The following HNRNPR variants were observed in gnomAD, a reference collection of about 807,000 sequenced individuals.
HNRNPR encodes the protein heterogeneous nuclear ribonucleoprotein R.
HNRNPR carries 4 observed loss-of-function variants against 70.3 expected under a neutral mutation model. That is an observed-to-expected ratio of 0.06 (90% CI 0.03 to 0.13). The LOEUF (loss-of-function observed/expected upper bound fraction) is 0.13, where lower values mean the gene tolerates loss of function less well. Among genes scored for constraint, HNRNPR ranks in the 10% least tolerant of loss-of-function variants. HNRNPR has a pLI of 1.00. For missense variants in HNRNPR, 423 were observed against 788.5 expected, an observed-to-expected ratio of 0.54 and a Z score of 5.55; for synonymous variants, 241 against 267.6, an observed-to-expected ratio of 0.90 and a Z score of 0.97.
At chr1:23,329,948 A>T (rs1312035488) in intron 5 of HNRNPR, among the ~76,000 whole-genome samples, 1 of 152,156 alleles carries the variant, frequency 6.6e-6, no homozygotes, top group East Asian at 1.9e-4. Context: ...TCTTTTGGGT[A>T]TCTATTAGGA....
rs933938578 is a variant in HNRNPR at position 23,331,289 on chromosome 1, T to C, written c.498+2229A>G. ...ATCTCCGAGTTTATTAGGCCAGACATGGTGACTCACGCCTGTAATCCCAGC... is the reference window on the plus strand; with the variant it reads ...ATCTCCGAGTTTATTAGGCCAGACACGGTGACTCACGCCTGTAATCCCAGC... On this transcript the variant is annotated intron_variant, in intron 5 of 10. Transcript: ENST00000302271. Among the ~76,000 whole-genome samples, 9 of 151,774 alleles carry C rather than the reference T, an allele frequency of 5.9e-5. No homozygotes were observed. In the East Asian group the frequency reaches 1.5e-3, roughly 26 times the overall value.
intron 5 of HNRNPR, among the ~76,000 whole-genome samples, chr1:23,326,459 T>C (rs911954726): frequency 6.6e-6 from 1 of 152,200 alleles, no homozygotes; most frequent in Non-Finnish European, 1.5e-5. Flanking sequence ...TATACCCAGA[T>C]GTCACTAATA....
At position 23,311,043 on chromosome 1, in the gene HNRNPR, G is replaced by A; in HGVS notation, c.1313C>T (p.Pro438Leu). The change falls in exon 11 of 11, where the codon CCT becomes CTT. Residue 438 changes from proline to leucine, a missense_variant. Around this residue, in one of 7 missense-constraint regions of HNRNPR, gnomAD observed 169 missense variants for 195.6 expected, o/e 0.86. Coordinates refer to ENST00000302271, the MANE Select transcript of HNRNPR (RefSeq NM_005826.5). Reference protein sequence around the residue: ...STAYEDYYYHPPPRMPPPIRG... With the variant: ...STAYEDYYYHLPPRMPPPIRG... ...AATTGGAGGTGGCATGCGAGGAGGAGGGTGGTAGTAATAATCTTCATACCT... is the reference window on the plus strand; with the variant it reads ...AATTGGAGGTGGCATGCGAGGAGGAAGGTGGTAGTAATAATCTTCATACCT... The A allele has an allele frequency of 1.2e-6, 2 of 1,614,144 alleles. No individual in the cohort carries two copies. The highest frequency in any genetic ancestry group is 1.7e-6 in the Non-Finnish European group (2 of 1,180,016).
rs1645222128 is a variant in HNRNPR at position 23,307,599 on chromosome 1, A to G, written c.*2855T>C. The G allele has an allele frequency of 6.6e-6, 1 of 152,150 alleles. No individual in the cohort carries two copies. Among genetic ancestry groups the G allele is most frequent in the Non-Finnish European group, 1.5e-5 (1 of 67,968 alleles). The allele number at this position is 152,150 out of a possible 1,614,324, so 9.4% of individuals were successfully genotyped here. A position where few individuals can be genotyped will look rare whatever the true frequency, so the allele number is the denominator to read the frequency against. Reference sequence around the variant, plus strand: ...CCAAATAAACCTGCATTTATTAGAAATCTGGCAACTTATTAGAACTTTTTT... The same window carrying G: ...CCAAATAAACCTGCATTTATTAGAAGTCTGGCAACTTATTAGAACTTTTTT... On this transcript the variant is annotated 3_prime_UTR_variant, in exon 11 of 11. Coordinates refer to ENST00000302271, the MANE Select transcript of HNRNPR (RefSeq NM_005826.5).
At chr1:23,336,092 G>A (rs1646466782) in intron 4 of HNRNPR, among the ~76,000 whole-genome samples, 1 of 117,964 alleles carries the variant, frequency 8.5e-6, no homozygotes, top group African/African-American at 3.4e-5. Flanking sequence ...ACTCCAGCCT[G>A]GGCGACAGAG....
intron 9 of HNRNPR, 22 bp from the exon 10 acceptor site, chr1:23,311,344 A>AT: frequency 6.9e-7 from 1 of 1,439,920 alleles, no homozygotes; most frequent in Non-Finnish European, 9.7e-7. Flanking sequence ...TAGAAAAATT[A>AT]TTTTACAACG....
intron 8 of HNRNPR, among the ~76,000 whole-genome samples, chr1:23,317,550 AACGC>A (rs1645597017): frequency 6.6e-6 from 1 of 152,188 alleles, no homozygotes; most frequent in Admixed American, 6.5e-5. Flanking sequence ...AGATCCTGGC[AACGC>A]AAGTACAGGA....
At position 23,310,587 on chromosome 1, in the gene HNRNPR, T is replaced by C. The variant is rs760744112; in HGVS notation, c.1769A>G (p.Asn590Ser). The C allele has an allele frequency of 1.7e-5, 27 of 1,614,102 alleles. No individual in the cohort carries two copies. The highest frequency in any genetic ancestry group is 2.7e-5 in the African/African-American group (2 of 74,928). Residue 590 changes from asparagine (N) to serine (S), a missense_variant, in exon 11 of 11, where the codon AAC (asparagine) becomes AGC (serine). Transcript: ENST00000302271. The surrounding 1 kb of genome is among the most constrained non-coding windows in gnomAD (Gnocchi z 6.0). ...GGGTTGGGAACCCCAGTTCTGTTGG[T>C]TGTTGGTCTGACGACGCTTGGAATC... is the stretch of plus-strand genomic sequence containing the variant. ...QPDSKRRQTNNQQNWGSQPIA... is the reference protein window; with the variant it reads ...QPDSKRRQTNSQQNWGSQPIA...
rs530979467 is a variant in HNRNPR at position 23,305,417 on chromosome 1, G to A, written c.*5037C>T. On this transcript the variant is annotated 3_prime_UTR_variant, in exon 11 of 11. Coordinates refer to ENST00000302271, the MANE Select transcript of HNRNPR (RefSeq NM_005826.5). ...GTCTATAGCAAACTTACAAGTAAGG[G>A]TTTATATTCATGACACTGACTAGCA... The A allele has an allele frequency of 9.2e-5, 14 of 152,234 alleles. No homozygotes were observed. The highest frequency in any genetic ancestry group is 3.4e-4 in the African/African-American group (14 of 41,556). 9.4% of individuals were successfully genotyped at this position (152,234 alleles called of 1,614,324 possible).
At chr1:23,326,766 CAA>C (rs1645999408) in intron 5 of HNRNPR, among the ~76,000 whole-genome samples, 1 of 152,156 alleles carries the variant, frequency 6.6e-6, no homozygotes, top group East Asian at 1.9e-4. Flanking sequence ...GCCTGGGTGA[CAA>C]GAGTGAAACT....
chr1:23,338,369 A>AT (rs1211763405), intron 3 of HNRNPR, 121 bp downstream of exon 3: 3 of 491,234 alleles, frequency 6.1e-6, no homozygotes, highest in Non-Finnish European at 1.1e-5. Context: ...CTTTAAACTA[A>AT]TTTTTTAAAA....
chr1:23,325,663 C>G (rs1645943474), intron 5 of HNRNPR, among the ~76,000 whole-genome samples: 1 of 152,140 alleles, frequency 6.6e-6, no homozygotes, highest in Non-Finnish European at 1.5e-5. Flanking sequence ...AACTCCTTAG[C>G]CACAATAAAT....
intron 5 of HNRNPR, among the ~76,000 whole-genome samples, chr1:23,324,691 T>C (rs1385106324): frequency 6.6e-6 from 1 of 152,138 alleles, no homozygotes; most frequent in Non-Finnish European, 1.5e-5. Flanking sequence ...AAAAAACCTC[T>C]TCACCATTTG....
At chr1:23,341,731 G>C (rs1223863676) in intron 1 of HNRNPR, among the ~76,000 whole-genome samples, 1 of 152,012 alleles carries the variant, frequency 6.6e-6, no homozygotes, top group Non-Finnish European at 1.5e-5. Flanking sequence ...AAAAAAAAGA[G>C]TACATGTTGA....
intron 5 of HNRNPR, among the ~76,000 whole-genome samples, chr1:23,327,502 A>G (rs1015632251): frequency 3.9e-5 from 6 of 152,272 alleles, no homozygotes; most frequent in African/African-American, 1.4e-4. Context: ...AGCCTGGCCA[A>G]TATGGTGAAA....
intron 4 of HNRNPR, 137 bp from the exon 5 acceptor site, chr1:23,333,768 A>T (rs1044445519): frequency 2.5e-5 from 14 of 562,200 alleles, no homozygotes; most frequent in Non-Finnish European, 4.1e-5. Flanking sequence ...AAAAGTCAAA[A>T]TTCGCACTGG....
At chr1:23,332,848 C>A (rs1646298714) in intron 5 of HNRNPR, among the ~76,000 whole-genome samples, 1 of 151,990 alleles carries the variant, frequency 6.6e-6, no homozygotes, top group Non-Finnish European at 1.5e-5. Context: ...CACAGTGAGA[C>A]CTGGTCTCTA....
At chr1:23,332,139 G>A (rs1253928069) in intron 5 of HNRNPR, among the ~76,000 whole-genome samples, 1 of 151,964 alleles carries the variant, frequency 6.6e-6, no homozygotes, top group African/African-American at 2.4e-5. Flanking sequence ...GGAGAGAGGG[G>A]AGAGGGGAGA....
At chr1:23,325,775 T>C (rs1446470519) in intron 5 of HNRNPR, among the ~76,000 whole-genome samples, 1 of 152,214 alleles carries the variant, frequency 6.6e-6, no homozygotes, top group Non-Finnish European at 1.5e-5. Context: ...CACTGGCTCC[T>C]TCCTGTCTCC....
Sources: allele counts gnomAD v4.1 joint callset (sites outside exome capture counted in the v4.1 genomes callset), GRCh38; gene constraint gnomAD v4.1.1; regional missense constraint gnomAD v4.1.1; non-coding constraint Gnocchi (gnomAD v3.1); transcripts MANE v1.5; gene names NCBI Gene and HGNC (gene_info 2026-07-23, HGNC 2026-07-21).